The following SAMMSON variants were observed in gnomAD, a reference collection of about 807,000 sequenced individuals.
SAMMSON encodes survival associated mitochondrial melanoma specific oncogenic non-coding RNA.
intron 4 of SAMMSON, among the ~76,000 whole-genome samples, chr3:70,123,772 C>G (rs9856733): frequency 2.0e-5 from 3 of 152,024 alleles, no homozygotes; most frequent in African/African-American, 7.2e-5. Context: ...GAGCAGATCC[C>G]CTCTCAGAGA....
At chr3:70,306,996 G>T (rs1575621811) in intron 7 of SAMMSON, among the ~76,000 whole-genome samples, 1 of 152,098 alleles carries the variant, frequency 6.6e-6, no homozygotes. Context: ...TATATATAGA[G>T]AGAGAGACAA....
At chr3:70,280,755 T>G (rs1385328270) in intron 6 of SAMMSON, among the ~76,000 whole-genome samples, 2 of 152,140 alleles carry the variant, frequency 1.3e-5, no homozygotes, top group Admixed American at 6.6e-5. Flanking sequence ...CGCCTTTCTG[T>G]GTAAAACCCG....
At chr3:70,411,627 T>C (rs1701220207) in intron 2 of SAMMSON, among the ~76,000 whole-genome samples, 1 of 152,138 alleles carries the variant, frequency 6.6e-6, no homozygotes, top group Non-Finnish European at 1.5e-5. Flanking sequence ...TGGGAGGTAA[T>C]TGAATCATGG....
chr3:70,282,912 A>G (rs1157505249), intron 6 of SAMMSON, among the ~76,000 whole-genome samples: 1 of 152,184 alleles, frequency 6.6e-6, no homozygotes, highest in Non-Finnish European at 1.5e-5. Flanking sequence ...CCAGGATGAA[A>G]TAGTAAAAGG....
At chr3:70,198,482 G>A (rs1208904792) in intron 4 of SAMMSON, among the ~76,000 whole-genome samples, 2 of 152,168 alleles carry the variant, frequency 1.3e-5, no homozygotes, top group South Asian at 2.1e-4. Flanking sequence ...CTATGAAAAG[G>A]AACAAATATT....
chr3:70,153,312 A>G (rs1188507025), intron 4 of SAMMSON, among the ~76,000 whole-genome samples: 2 of 151,886 alleles, frequency 1.3e-5, no homozygotes, highest in African/African-American at 4.8e-5. Context: ...GCATCAATCA[A>G]ATGTCAGCTC....
rs559964512 is a variant in SAMMSON at position 70,272,603 on chromosome 3, C to G, written n.675-18576C>G. On this transcript the variant is annotated intron_variant and non_coding_transcript_variant, in intron 6 of 9. Coordinates refer to ENST00000642114, the Ensembl canonical transcript of SAMMSON. ...TTTACGTGGACATATGTTTTTATTT[C>G]TCTTGGGTAAATACCTAGGAGTAGA... Among the ~76,000 whole-genome samples the G allele has an allele frequency of 7.2e-5, 11 of 152,292 alleles. No homozygotes were observed. The South Asian group carries it at 2.3e-3, about 32-fold the overall frequency.
intron 4 of SAMMSON, among the ~76,000 whole-genome samples, chr3:70,134,683 C>T (rs371130108): frequency 7.2e-5 from 11 of 152,184 alleles, no homozygotes; most frequent in East Asian, 1.9e-4. Flanking sequence ...ATTTTTATGA[C>T]ATATTTCTAA....
At chr3:70,157,843 G>C (rs945164284) in intron 4 of SAMMSON, among the ~76,000 whole-genome samples, 1 of 151,980 alleles carries the variant, frequency 6.6e-6, no homozygotes, top group African/African-American at 2.4e-5. Flanking sequence ...ATAAATCTCA[G>C]AGAGGCAAAA....
chr3:70,103,067 T>G (rs1466006893), intron 4 of SAMMSON, among the ~76,000 whole-genome samples: 1 of 152,138 alleles, frequency 6.6e-6, no homozygotes, highest in East Asian at 1.9e-4. Flanking sequence ...GGTTGGCACT[T>G]GAGTGATGTG....
chr3:70,068,808 A>G (rs886874768), intron 3 of SAMMSON: 3 of 152,140 alleles, frequency 2.0e-5, no homozygotes, highest in African/African-American at 7.2e-5. Context: ...TCCTGAATAC[A>G]ATATCCCAGT....
intron 4 of SAMMSON, among the ~76,000 whole-genome samples, chr3:70,152,464 T>A (rs931011033): frequency 1.4e-4 from 22 of 152,082 alleles, no homozygotes; most frequent in African/African-American, 5.1e-4. Flanking sequence ...CCTTCTTCTA[T>A]ATGTCCTAAA....
intron 3 of SAMMSON, among the ~76,000 whole-genome samples, chr3:70,057,334 G>T (rs921664924): frequency 6.6e-6 from 1 of 151,680 alleles, no homozygotes; most frequent in South Asian, 2.1e-4. Flanking sequence ...ATCTTCAAAG[G>T]GTACAGTATT....
intron 2 of SAMMSON, among the ~76,000 whole-genome samples, chr3:70,423,610 C>A (rs550994502): frequency 6.7e-6 from 1 of 150,318 alleles, no homozygotes; most frequent in African/African-American, 2.4e-5. Context: ...TGAGAAAAAA[C>A]GTGTTCTCCT....
At chr3:70,051,349 G>A (rs901963651) in intron 3 of SAMMSON, among the ~76,000 whole-genome samples, 2 of 149,520 alleles carry the variant, frequency 1.3e-5, no homozygotes, top group Non-Finnish European at 3.0e-5. Context: ...ATTTAACAGG[G>A]AAGATGTTCA....
At chr3:70,177,415 T>A (rs1362627266) in intron 4 of SAMMSON, among the ~76,000 whole-genome samples, 3 of 152,206 alleles carry the variant, frequency 2.0e-5, no homozygotes, top group Non-Finnish European at 4.4e-5. Context: ...ATGCTCTCTC[T>A]GACTTCAAGG....
chr3:70,053,118 A>G (rs985364033), intron 3 of SAMMSON, among the ~76,000 whole-genome samples: 7 of 152,276 alleles, frequency 4.6e-5, no homozygotes, highest in African/African-American at 1.7e-4. Context: ...ACATATGCTT[A>G]TCATCCTTTT....
intron 2 of SAMMSON, chr3:70,424,847 C>T (rs1330957770): frequency 6.6e-6 from 1 of 152,112 alleles, no homozygotes; most frequent in Non-Finnish European, 1.5e-5. Flanking sequence ...CCAGTAGCAC[C>T]CCCTCTCCAG....
chr3:70,404,706 T>C (rs913639773), intron 2 of SAMMSON, among the ~76,000 whole-genome samples: 1 of 152,046 alleles, frequency 6.6e-6, no homozygotes, highest in Non-Finnish European at 1.5e-5. Context: ...AAGACTATAA[T>C]CCCTGAAAGA....
Sources: gnomAD v4.1 joint callset for allele counts (sites outside exome capture counted in the v4.1 genomes callset) on GRCh38, gnomAD v4.1.1 for gene constraint, MANE v1.5 for transcripts, NCBI Gene and HGNC (gene_info 2026-07-23, HGNC 2026-07-21) for gene names.